TP53BP1: variants seen among roughly 807,000 people sequenced by gnomAD.
The protein encoded by TP53BP1 is tumor protein p53 binding protein 1, also known as TP53-binding protein 1.
In TP53BP1, 61 loss-of-function variants were observed where a neutral mutation model predicts 200.8. The observed-to-expected ratio is 0.30, with a 90% CI of 0.25 to 0.38. The LOEUF is 0.38. TP53BP1 is among the 10% of genes least tolerant of loss of function. The pLI, the probability that TP53BP1 is intolerant of heterozygous loss-of-function variation, is 1.00. For missense variants in TP53BP1, 2,144 were observed against 2,371.9 expected, an observed-to-expected ratio of 0.90 and a Z score of 2.00; for synonymous variants, 822 against 844.3, an observed-to-expected ratio of 0.97 and a Z score of 0.46.
intron 12 of TP53BP1, among the ~76,000 whole-genome samples, chr15:43,453,738 T>G (rs889134001): frequency 2.6e-5 from 4 of 151,342 alleles, no homozygotes; most frequent in African/African-American, 9.7e-5. Flanking sequence ...AGAGATGAGG[T>G]TTCATCATGT....
At chr15:43,493,238 G>A, upstream of TP53BP1, 2 of 1,455,642 alleles carry the variant, frequency 1.4e-6, no homozygotes, top group South Asian at 1.4e-5. Context: ...GTGGATGATA[G>A]GTAGCTGCGG....
chr15:43,408,348 G>A (rs567523995), intron 26 of TP53BP1: 5 of 363,776 alleles, frequency 1.4e-5, no homozygotes, highest in African/African-American at 2.1e-5. Context: ...GGGTGTGGTG[G>A]CGAGTGCCTG....
At chr15:43,420,260 C>T (rs1265754396) in intron 21 of TP53BP1, 45 bp downstream of exon 21, 11 of 1,567,600 alleles carry the variant, frequency 7.0e-6, no homozygotes, top group Admixed American at 1.7e-5. Flanking sequence ...GTATTATTGC[C>T]CCAAGGCACA....
At chr15:43,430,412 C>G (rs2439845) in intron 17 of TP53BP1, among the ~76,000 whole-genome samples, 69,962 of 151,864 alleles carry the variant, frequency 0.46, 20,848 homozygotes, top group African/African-American at 0.85. Context: ...TATATTTTTA[C>G]TATGGTAAAA....
rs150664054 is a variant in TP53BP1 at position 43,458,950 on chromosome 15, G to A, written c.1390-1732C>T. Among the ~76,000 whole-genome samples the A allele has an allele frequency of 8.0e-4, 122 of 152,172 alleles. 1 individual carries two copies. The East Asian group carries it at 0.014, about 18-fold the overall frequency. ...TGAACATTCATTACTATATAACCTA[G>A]GCATTCTGCTTGTAGGCATTTACCC... On this transcript the variant is annotated intron_variant, in intron 11 of 27. Coordinates refer to ENST00000382044, the MANE Select transcript of TP53BP1 (RefSeq NM_001141980.3).
intron 2 of TP53BP1, 54 bp downstream of exon 2, chr15:43,492,230 T>C: frequency 6.5e-7 from 1 of 1,540,348 alleles, no homozygotes; most frequent in Non-Finnish European, 8.8e-7. Context: ...TTTGCTGGTT[T>C]TCGGTTTAAA....
At chr15:43,428,289 CCTA>C in intron 17 of TP53BP1, 121 bp from the exon 18 acceptor site, 1 of 873,606 alleles carries the variant, frequency 1.1e-6, no homozygotes, top group Non-Finnish European at 1.8e-6. Context: ...ACAGAATCTT[CCTA>C]CTGTTTTGTT....
Position 43,416,307 on chromosome 15 carries a change from T to C in TP53BP1, c.4791A>G (p.Gln1597=). 6.2e-7 allele frequency: 1 copy of C among 1,614,246 alleles called. No individual in the cohort carries two copies. Among genetic ancestry groups the C allele is most frequent in the Non-Finnish European group, 8.5e-7 (1 of 1,180,040 alleles). The change falls in exon 22 of 28, where the codon CAA becomes CAG. Residue 1597 remains glutamine, a synonymous_variant. Transcript: ENST00000382044. ...KRMAVILSLE[Q]GNRLREQYGL... ...CATACTGCTCTCTCAGTCTGTTTCCTTGCTCCAAGGACAGGATGACAGCCA... is the reference window on the plus strand; with the variant it reads ...CATACTGCTCTCTCAGTCTGTTTCCCTGCTCCAAGGACAGGATGACAGCCA...
At chr15:43,415,201 T>C (rs971701285) in intron 23 of TP53BP1, 5 of 294,428 alleles carry the variant, frequency 1.7e-5, no homozygotes, top group South Asian at 3.3e-5. Flanking sequence ...GTCCTGGCCT[T>C]CTTTTTTTTT....
intron 11 of TP53BP1, among the ~76,000 whole-genome samples, chr15:43,467,931 G>A (rs180966031): frequency 2.3e-4 from 35 of 152,048 alleles, no homozygotes; most frequent in African/African-American, 5.1e-4. Context: ...CTACAGGTGC[G>A]TGCCAGCATG....
In TP53BP1 at chr15:43,456,644, A is replaced by G. The variant is rs2046304583; in HGVS notation, c.1964T>C (p.Ile655Thr). ...SVLDQEEAME[I>T]KEHHPEEGSS... ...CCCCTCCTCTGGATGGTGTTCTTTA[A>G]TTTCCATAGCTTCCTCCTGATCTAA... The change falls in exon 12 of 28, where the codon ATT becomes ACT. Residue 655 changes from isoleucine to threonine, a missense_variant. By Grantham distance (89) the Ile-to-Thr change is moderately conservative. Around this residue, in one of 4 missense-constraint regions of TP53BP1, gnomAD observed 1,700 missense variants for 1,710.3 expected, o/e 0.99. Transcript: ENST00000382044. 6.2e-7 allele frequency: 1 copy of G among 1,613,926 alleles called. No homozygotes were observed. The highest frequency in any genetic ancestry group is 1.3e-5 in the African/African-American group (1 of 74,872).
intron 11 of TP53BP1, 55 bp downstream of exon 11, chr15:43,469,803 T>A (rs951436734): frequency 7.0e-7 from 1 of 1,427,694 alleles, no homozygotes; most frequent in African/African-American, 1.4e-5. Context: ...TATACCCCAA[T>A]AATGCTGCTT....
intron 15 of TP53BP1, among the ~76,000 whole-genome samples, chr15:43,439,952 T>C (rs1457488347): frequency 1.3e-5 from 2 of 152,214 alleles, no homozygotes; most frequent in Non-Finnish European, 2.9e-5. Flanking sequence ...TTAAGGGATC[T>C]TCAAATGAAA....
At chr15:43,503,078 A>G (rs2079218174) in intron 1 of TP53BP1, among the ~76,000 whole-genome samples, 1 of 152,148 alleles carries the variant, frequency 6.6e-6, no homozygotes, top group Non-Finnish European at 1.5e-5. Context: ...AGTCAACTTT[A>G]TATATCATTT....
At chr15:43,408,744 AGAT>A in intron 26 of TP53BP1, 150 bp downstream of exon 26, 1 of 709,408 alleles carries the variant, frequency 1.4e-6, no homozygotes, top group Non-Finnish European at 2.3e-6. Flanking sequence ...GAAATAAACT[AGAT>A]AAACTCCTGA....
intron 18 of TP53BP1, among the ~76,000 whole-genome samples, chr15:43,423,597 G>A (rs1207625597): frequency 7.0e-6 from 1 of 142,178 alleles, no homozygotes; most frequent in Non-Finnish European, 1.5e-5. Context: ...AGATGGAGCT[G>A]CAGTGAGCTA....
chr15:43,478,124 G>C (rs2078911122), intron 7 of TP53BP1, among the ~76,000 whole-genome samples: 2 of 152,290 alleles, frequency 1.3e-5, no homozygotes, highest in South Asian at 2.1e-4. Flanking sequence ...AAGGAGAACA[G>C]TCCAAACCAT....
At chr15:43,492,133 G>C in intron 2 of TP53BP1, 38 bp from the exon 3 acceptor site, 1 of 1,548,742 alleles carries the variant, frequency 6.5e-7, no homozygotes, top group Admixed American at 1.7e-5. Flanking sequence ...CATTATATAT[G>C]AAATAGTTCA....
In TP53BP1 at chr15:43,491,880, G is replaced by C. The variant is rs549669653; in HGVS notation, c.286+122C>G. On this transcript the variant is annotated intron_variant, in intron 3 of 27. Transcript: ENST00000382044. ...ACATCAACTTTTGAGTGACTACTAC[G>C]CAGATACCACAGTAGGCTTCCTTAC... is the stretch of plus-strand genomic sequence containing the variant. The C allele has an allele frequency of 3.8e-6, 4 of 1,063,230 alleles. No individual in the cohort carries two copies. In the African/African-American group the frequency reaches 6.2e-5, roughly 17 times the overall value. 65.9% of individuals were successfully genotyped at this position (1,063,230 alleles called of 1,614,324 possible).
Sources: allele counts gnomAD v4.1 joint callset (sites outside exome capture counted in the v4.1 genomes callset), GRCh38; gene constraint gnomAD v4.1.1; regional missense constraint gnomAD v4.1.1; transcripts MANE v1.5; gene names NCBI Gene and HGNC (gene_info 2026-07-23, HGNC 2026-07-21).